Variants in AP2A1 observed in about 807,000 individuals in gnomAD.
The protein encoded by AP2A1 is AP-2 complex subunit alpha-1.
In AP2A1, 21 loss-of-function variants were observed where a neutral mutation model predicts 107.3. The ratio of observed to expected loss-of-function variants is 0.20; its 90% confidence interval spans 0.14 to 0.28. AP2A1 has a LOEUF of 0.28. Among genes scored for constraint, AP2A1 ranks in the 10% least tolerant of loss-of-function variants. The pLI is 1.00. For synonymous variants in AP2A1, 602 were observed against 564.8 expected (o/e 1.07, Z -0.93); for missense variants, 873 against 1,307.7 (o/e 0.67, Z 5.13).
rs1235596603 is a variant in AP2A1, at chr19:49,788,685, C to T, written c.474-3250C>T. 6.7e-6 allele frequency among the ~76,000 whole-genome samples: 1 copy of T among 148,202 alleles called. No homozygotes were observed. Among genetic ancestry groups the T allele is most frequent in the Non-Finnish European group, 1.5e-5 (1 of 67,126 alleles). On this transcript the variant is annotated intron_variant, in intron 4 of 22. Transcript: ENST00000354293. The surrounding 1 kb of genome is among the most constrained non-coding windows in gnomAD (Gnocchi z 4.5). ...CCATGACAGAGATGGGAAGGTGGCC[C>T]AGAGTCAGGGCTCGGGAGATGCGCG... is the stretch of plus-strand genomic sequence containing the variant.
intron 1 of AP2A1, among the ~76,000 whole-genome samples, chr19:49,777,724 G>A (rs2084631160): frequency 6.6e-6 from 1 of 151,702 alleles, no homozygotes; most frequent in Admixed American, 6.6e-5. Context: ...CGGAGGAGTT[G>A]AGACCACCCT....
chr19:49,767,017 C>A lies in AP2A1; in HGVS notation c.-117C>A. The A allele has an allele frequency of 1.3e-5, 14 of 1,087,476 alleles. No homozygotes were observed. In the South Asian group the frequency reaches 2.4e-4, roughly 19 times the overall value. The allele number at this position is 1,087,476 out of a possible 1,614,324, so 67.4% of individuals were successfully genotyped here. A position where few individuals can be genotyped will look rare whatever the true frequency, so the allele number is the denominator to read the frequency against. On this transcript the variant is annotated 5_prime_UTR_variant, in exon 1 of 23. Transcript: ENST00000354293. ...CGCCCGCCCGCCAGCCAGCCCTCCC[C>A]GCGGCCGGCTCGGCTCCTTGGCGCT...
chr19:49,776,965 T>C (rs931808227), intron 1 of AP2A1, among the ~76,000 whole-genome samples: 8 of 152,118 alleles, frequency 5.3e-5, no homozygotes, highest in African/African-American at 1.9e-4. Context: ...GGCTCATGCC[T>C]GTAATCCTAG....
intron 1 of AP2A1, among the ~76,000 whole-genome samples, chr19:49,771,305 A>C (rs2084554608): frequency 7.3e-6 from 1 of 137,482 alleles, no homozygotes; most frequent in Non-Finnish European, 1.5e-5. Flanking sequence ...TCATCTCTTA[A>C]AAAAAAAAAA....
At chr19:49,799,825 C>T in intron 10 of AP2A1, 59 bp downstream of exon 10, 3 of 1,578,970 alleles carry the variant, frequency 1.9e-6, no homozygotes, top group Non-Finnish European at 1.7e-6. Flanking sequence ...TGGCTGGGGG[C>T]CTGGATTCCT....
chr19:49,771,287 G>T (rs943895408), intron 1 of AP2A1, among the ~76,000 whole-genome samples: 4 of 129,632 alleles, frequency 3.1e-5, no homozygotes, highest in African/African-American at 1.2e-4. Flanking sequence ...GGGCCACATA[G>T]TGAAACCTCA....
intron 22 of AP2A1, 192 bp downstream of exon 22, chr19:49,806,445 C>T: frequency 7.0e-7 from 1 of 1,436,228 alleles, no homozygotes; most frequent in Non-Finnish European, 9.1e-7. Flanking sequence ...GTGTTCCTCT[C>T]CTCTTCCTGT....
intron 1 of AP2A1, among the ~76,000 whole-genome samples, chr19:49,768,613 G>C (rs1230158357): frequency 1.3e-5 from 2 of 152,126 alleles, no homozygotes; most frequent in African/African-American, 4.8e-5. Flanking sequence ...GAAGGATCTG[G>C]CATGTAATAG....
intron 4 of AP2A1, among the ~76,000 whole-genome samples, chr19:49,783,467 G>T (rs1052286913): frequency 2.6e-5 from 4 of 152,158 alleles, no homozygotes; most frequent in Non-Finnish European, 2.9e-5. Flanking sequence ...CTCCAGCTTG[G>T]TGTGCACACA....
rs547307993 is a variant in AP2A1 at position 49,785,162 on chromosome 19, A to G, written c.473+2438A>G. Among the ~76,000 whole-genome samples the G allele has an allele frequency of 6.6e-6, 1 of 152,238 alleles. No individual in the cohort carries two copies. Among genetic ancestry groups the G allele is most frequent in the Non-Finnish European group, 1.5e-5 (1 of 68,036 alleles). ...GAGAGATAATGGTTGAAAATATTCC[A>G]GAATGGATGAAAGAGGCTGATCCCC... On this transcript the variant is annotated intron_variant, in intron 4 of 22. Transcript: ENST00000354293. This position sits in a 1 kb window ranked among gnomAD's most constrained non-coding sequence, Gnocchi z 4.1.
chr19:49,794,545 G>C (rs531863921), intron 6 of AP2A1, among the ~76,000 whole-genome samples: 1 of 152,206 alleles, frequency 6.6e-6, no homozygotes, highest in African/African-American at 2.4e-5. Flanking sequence ...GAGTACTGCA[G>C]TGTGCCAGGA....
chr19:49,801,876 C>T lies in AP2A1; in HGVS notation c.1940C>T (p.Thr647Ile). ...GACATCAACGGGGGCATGGAGCCCA[C>T]CCCCAGCACTGTGGTGAGTCCCCTG... is the stretch of plus-strand genomic sequence containing the variant. The part of the protein sequence containing the change: ...SNDINGGMEP[T>I]PSTVSTPSPS... The change falls in exon 14 of 23, where the codon ACC becomes ATC. Residue 647 changes from threonine to isoleucine, a missense_variant. By Grantham distance (89) the Thr-to-Ile change is moderately conservative. Coordinates refer to ENST00000354293, the MANE Select transcript of AP2A1 (RefSeq NM_130787.3). 6.7e-7 allele frequency: 1 copy of T among 1,492,338 alleles called. No homozygotes were observed. The highest frequency in any genetic ancestry group is 8.9e-7 in the Non-Finnish European group (1 of 1,124,972). 92.4% of individuals were successfully genotyped at this position (1,492,338 alleles called of 1,614,324 possible).
chr19:49,802,240 C>G (rs2073294001), intron 15 of AP2A1, 99 bp downstream of exon 15: 4 of 986,484 alleles, frequency 4.1e-6, no homozygotes, highest in African/African-American at 3.2e-5. Flanking sequence ...CCCCCGCCCC[C>G]GACTCGCTCC....
At chr19:49,775,443 T>C (rs2123673162) in intron 1 of AP2A1, among the ~76,000 whole-genome samples, 1 of 152,230 alleles carries the variant, frequency 6.6e-6, no homozygotes, top group East Asian at 1.9e-4. Flanking sequence ...GCCTCCCTAG[T>C]AGCTGGGACT....
chr19:49,806,508 A>G (rs1318102123), intron 22 of AP2A1, 173 bp from the exon 23 acceptor site: 1 of 1,446,168 alleles, frequency 6.9e-7, no homozygotes. Context: ...CTCATCTTTT[A>G]TAATTTTCTT....
rs1340504748 is a variant in AP2A1 at position 49,791,919 on chromosome 19, C to T, written c.474-16C>T. On this transcript the variant is annotated splice_polypyrimidine_tract_variant and intron_variant, in intron 4 of 22. Coordinates refer to ENST00000354293, the MANE Select transcript of AP2A1 (RefSeq NM_130787.3). ...CACTGACTCTGCTTCCCCTGCCCTG[C>T]ATGGTGTCCCCACAGGGACAGCATG... 3.8e-6 allele frequency: 6 copies of T among 1,598,430 alleles called. No individual in the cohort carries two copies. In the African/African-American group the frequency reaches 4.0e-5, roughly 11 times the overall value.
At chr19:49,795,084 A>C (rs1457893261) in intron 6 of AP2A1, among the ~76,000 whole-genome samples, 1 of 152,194 alleles carries the variant, frequency 6.6e-6, no homozygotes, top group African/African-American at 2.4e-5. Flanking sequence ...GAGTGGCTTC[A>C]AGCCTTGTAG....
chr19:49,781,732 G>C, intron 1 of AP2A1, 25 bp from the exon 2 acceptor site: 3 of 1,570,728 alleles, frequency 1.9e-6, no homozygotes, highest in Non-Finnish European at 2.6e-6. Context: ...ACCCCTCACT[G>C]CCTACCCTCC....
intron 4 of AP2A1, among the ~76,000 whole-genome samples, chr19:49,784,371 G>T (rs946578764): frequency 6.6e-6 from 1 of 151,966 alleles, no homozygotes; most frequent in Admixed American, 6.6e-5. Flanking sequence ...GGCAGAGGTT[G>T]CAGTGAGCCG....
Sources: allele counts gnomAD v4.1 joint callset (sites outside exome capture counted in the v4.1 genomes callset), GRCh38; gene constraint gnomAD v4.1.1; non-coding constraint Gnocchi (gnomAD v3.1); transcripts MANE v1.5; gene names NCBI Gene and HGNC (gene_info 2026-07-23, HGNC 2026-07-21).